RABGAP1L: variants seen among roughly 807,000 people sequenced by gnomAD.
RABGAP1L encodes RAB GTPase activating protein 1 like, also known as rab GTPase-activating protein 1-like.
A neutral mutation model predicts 137.7 loss-of-function variants in RABGAP1L; 63 were observed. The observed-to-expected ratio is 0.46, with a 90% CI of 0.37 to 0.56. RABGAP1L has a LOEUF of 0.56. Ranked by LOEUF, RABGAP1L falls within the 20% of genes least tolerant of loss-of-function variation. The probability of loss-of-function intolerance (pLI) is 0.00; values close to 1 mark genes in which losing one functional copy is unlikely to be tolerated. For synonymous variants in RABGAP1L, 431 were observed against 433.7 expected, an observed-to-expected ratio of 0.99 and a Z score of 0.08; for missense variants, 1,095 against 1,244.0, an observed-to-expected ratio of 0.88 and a Z score of 1.80.
chr1:174,920,674 A>G (rs1391976149), intron 19 of RABGAP1L, among the ~76,000 whole-genome samples: 2 of 152,158 alleles, frequency 1.3e-5, no homozygotes, highest in Non-Finnish European at 2.9e-5. Context: ...ATTAAGGTAA[A>G]AGGAGGTCAT....
intron 4 of RABGAP1L, among the ~76,000 whole-genome samples, chr1:174,234,096 C>T (rs1670932385): frequency 7.9e-6 from 1 of 126,736 alleles, no homozygotes; most frequent in Admixed American, 7.7e-5. Flanking sequence ...GTCCTTCGCC[C>T]ACTTTTTGAT....
intron 15 of RABGAP1L, among the ~76,000 whole-genome samples, chr1:174,697,053 G>T (rs919378869): frequency 1.3e-5 from 2 of 152,108 alleles, no homozygotes; most frequent in Non-Finnish European, 2.9e-5. Flanking sequence ...AAGTAGAGTT[G>T]CCTGTTTACT....
At chr1:174,686,764 C>G (rs1298094728) in intron 15 of RABGAP1L, among the ~76,000 whole-genome samples, 1 of 142,492 alleles carries the variant, frequency 7.0e-6, no homozygotes, top group East Asian at 2.2e-4. Flanking sequence ...TCAAGCGATT[C>G]TCCTGCCCCA....
intron 14 of RABGAP1L, among the ~76,000 whole-genome samples, chr1:174,659,196 T>A (rs116652801): frequency 0.021 from 3,189 of 151,274 alleles, 52 homozygotes; most frequent in Middle Eastern, 0.085. Context: ...TTTCTATTTT[T>A]ACCTGTGTGT....
At chr1:174,645,000 G>T (rs1674833178) in intron 14 of RABGAP1L, among the ~76,000 whole-genome samples, 1 of 152,002 alleles carries the variant, frequency 6.6e-6, no homozygotes, top group South Asian at 2.1e-4. Context: ...TGTATAACAT[G>T]AGCACTATAG....
At chr1:174,572,122 G>T (rs1440264458) in intron 13 of RABGAP1L, among the ~76,000 whole-genome samples, 3 of 152,168 alleles carry the variant, frequency 2.0e-5, no homozygotes, top group Non-Finnish European at 2.9e-5. Context: ...GGACATTTGA[G>T]ATCGTTTGGT....
intron 13 of RABGAP1L, among the ~76,000 whole-genome samples, chr1:174,479,170 C>T (rs1455983796): frequency 6.6e-6 from 1 of 152,190 alleles, no homozygotes; most frequent in Non-Finnish European, 1.5e-5. Context: ...TGGCATGGGC[C>T]TGAGGTCCTG....
intron 15 of RABGAP1L, among the ~76,000 whole-genome samples, chr1:174,695,678 A>G (rs923904674): frequency 1.3e-5 from 2 of 152,152 alleles, no homozygotes; most frequent in Admixed American, 6.5e-5. Context: ...GTTTATTGAT[A>G]TCTGGGCATT....
chr1:174,390,540 G>A (rs571901846), intron 12 of RABGAP1L, among the ~76,000 whole-genome samples: 3 of 152,140 alleles, frequency 2.0e-5, no homozygotes, highest in Admixed American at 2.0e-4. Context: ...AATAATCTGG[G>A]CCAACCGAGT....
At chr1:174,736,919 G>C (rs777856778) in intron 17 of RABGAP1L, among the ~76,000 whole-genome samples, 5 of 152,172 alleles carry the variant, frequency 3.3e-5, no homozygotes, top group Admixed American at 6.5e-5. Context: ...TGGGGCCCCG[G>C]GCCTGGCCCC....
intron 11 of RABGAP1L, among the ~76,000 whole-genome samples, chr1:174,322,651 A>T (rs1680099603): frequency 6.6e-6 from 1 of 152,186 alleles, no homozygotes; most frequent in Non-Finnish European, 1.5e-5. Context: ...TATTACTTAC[A>T]CAGTATTCTG....
At chr1:174,209,378 T>A (rs927157456) in intron 1 of RABGAP1L, among the ~76,000 whole-genome samples, 2 of 152,084 alleles carry the variant, frequency 1.3e-5, no homozygotes, top group African/African-American at 4.8e-5. Context: ...CCCTGAGGAA[T>A]GAGTCCCAGG....
At chr1:174,317,277 C>G (rs1429319058) in intron 11 of RABGAP1L, among the ~76,000 whole-genome samples, 1 of 152,068 alleles carries the variant, frequency 6.6e-6, no homozygotes, top group Non-Finnish European at 1.5e-5. Flanking sequence ...CAGCAAGTCT[C>G]AGGGGCTCAC....
intron 13 of RABGAP1L, among the ~76,000 whole-genome samples, chr1:174,440,987 A>AG: frequency 6.6e-6 from 1 of 152,058 alleles, no homozygotes; most frequent in South Asian, 2.1e-4. Context: ...AGTTCTATTG[A>AG]GGAGTAGTTT....
intron 13 of RABGAP1L, among the ~76,000 whole-genome samples, chr1:174,474,560 T>G (rs1227102910): frequency 6.6e-6 from 1 of 152,162 alleles, no homozygotes; most frequent in African/African-American, 2.4e-5. Flanking sequence ...CTGTTGACCA[T>G]GGTCATAATA....
chr1:174,638,458 C>T (rs1476405939), intron 14 of RABGAP1L, among the ~76,000 whole-genome samples: 5 of 151,884 alleles, frequency 3.3e-5, no homozygotes, highest in Non-Finnish European at 7.4e-5. Context: ...CTAGTTCAAC[C>T]ATTGTGGAAG....
intron 13 of RABGAP1L, among the ~76,000 whole-genome samples, chr1:174,496,590 A>G (rs149666787): frequency 1.6e-3 from 250 of 152,352 alleles, no homozygotes; most frequent in African/African-American, 5.5e-3. Flanking sequence ...GCCAAATCTC[A>G]GTGAACACAA....
chr1:174,855,580 A>G (rs1248999092), intron 19 of RABGAP1L, among the ~76,000 whole-genome samples: 3 of 152,238 alleles, frequency 2.0e-5, no homozygotes, highest in Non-Finnish European at 4.4e-5. Flanking sequence ...TCCAGCTCTT[A>G]CATAAGTCTA....
Position 174,614,282 on chromosome 1 carries a change from G to T in RABGAP1L, c.1711-23093G>T, listed in dbSNP as rs539886800. ...TGACAAAATCTCTCAGCATTTGCTT[G>T]TCTGTAAAGGAGTTTATTTCTCCTT... On this transcript the variant is annotated intron_variant, in intron 13 of 25. Coordinates refer to ENST00000681986, the MANE Select transcript of RABGAP1L (RefSeq NM_001366446.1). 2.5e-3 allele frequency among the ~76,000 whole-genome samples: 380 copies of T among 152,280 alleles called. 3 individuals are homozygous for T. The highest frequency in any genetic ancestry group is 8.3e-3 in the African/African-American group (344 of 41,542).
Sources: gnomAD v4.1 joint callset for allele counts (sites outside exome capture counted in the v4.1 genomes callset) on GRCh38, gnomAD v4.1.1 for gene constraint, MANE v1.5 for transcripts, NCBI Gene and HGNC (gene_info 2026-07-23, HGNC 2026-07-21) for gene names.